The following SMOC2 variants were observed in gnomAD, a reference collection of about 807,000 sequenced individuals.
The protein encoded by SMOC2 is SPARC related modular calcium binding 2.
A neutral mutation model predicts 61.4 loss-of-function variants in SMOC2; 39 were observed. That is an observed-to-expected ratio of 0.64 (90% CI 0.49 to 0.83). The LOEUF is 0.83. SMOC2 is among the 40% of genes least tolerant of loss of function. The probability of loss-of-function intolerance (pLI) is 0.00; values close to 1 mark genes in which losing one functional copy is unlikely to be tolerated. For missense variants in SMOC2, 556 were observed against 592.9 expected (o/e 0.94, Z 0.65); for synonymous variants, 247 against 239.9 (o/e 1.03, Z -0.27).
At chr6:168,613,732 G>A (rs1318032699) in intron 9 of SMOC2, among the ~76,000 whole-genome samples, 3 of 128,834 alleles carry the variant, frequency 2.3e-5, no homozygotes, top group Admixed American at 7.8e-5. Context: ...CACACCTACA[G>A]CCAGCACAGG....
At chr6:168,633,543 C>T (rs1290616730) in intron 9 of SMOC2, among the ~76,000 whole-genome samples, 2 of 151,988 alleles carry the variant, frequency 1.3e-5, no homozygotes, top group African/African-American at 4.8e-5. Flanking sequence ...ATGAAAAACT[C>T]AATAATTTAA....
At chr6:168,547,661 G>A (rs760241075) in intron 6 of SMOC2, among the ~76,000 whole-genome samples, 4 of 152,056 alleles carry the variant, frequency 2.6e-5, no homozygotes, top group Non-Finnish European at 4.4e-5. Flanking sequence ...TGCTGGGGAT[G>A]TGAATTGCTT....
chr6:168,442,433 C>T (rs1261530826), intron 1 of SMOC2, among the ~76,000 whole-genome samples: 1 of 152,244 alleles, frequency 6.6e-6, no homozygotes, highest in African/African-American at 2.4e-5. Context: ...TGTCTGCAGC[C>T]CCCAGCTCCA....
At chr6:168,532,617 G>A (rs550642234) in intron 4 of SMOC2, among the ~76,000 whole-genome samples, 2 of 152,246 alleles carry the variant, frequency 1.3e-5, no homozygotes, top group South Asian at 4.2e-4. Flanking sequence ...CTGGTTCCTG[G>A]CATGAGTACA....
At chr6:168,575,089 T>A (rs78927669) in intron 7 of SMOC2, among the ~76,000 whole-genome samples, 7,731 of 152,120 alleles carry the variant, frequency 0.051, 702 homozygotes, top group African/African-American at 0.18. Flanking sequence ...GGAGGAAGTG[T>A]GTCTGTGGGG....
At chr6:168,658,126 G>C (rs1163253275) in intron 11 of SMOC2, among the ~76,000 whole-genome samples, 1 of 152,208 alleles carries the variant, frequency 6.6e-6, no homozygotes, top group Admixed American at 6.5e-5. Context: ...GTGGCTGCCA[G>C]ATCTGCAGCT....
intron 1 of SMOC2, among the ~76,000 whole-genome samples, chr6:168,495,435 G>C (rs923393568): frequency 6.6e-6 from 1 of 152,182 alleles, no homozygotes; most frequent in Admixed American, 6.5e-5. Flanking sequence ...TTTTCCTTGG[G>C]AACCTGAGTT....
At chr6:168,649,792 T>A (rs1046041636) in intron 9 of SMOC2, among the ~76,000 whole-genome samples, 1 of 152,098 alleles carries the variant, frequency 6.6e-6, no homozygotes, top group African/African-American at 2.4e-5. Flanking sequence ...CAAAAGGGCA[T>A]CCAGAGAGAG....
At chr6:168,477,153 G>A (rs1171149578) in intron 1 of SMOC2, among the ~76,000 whole-genome samples, 3 of 152,220 alleles carry the variant, frequency 2.0e-5, no homozygotes, top group African/African-American at 4.8e-5. Context: ...ACTAGGAACA[G>A]ATGGGCTCAG....
chr6:168,610,357 C>T (rs1396896743), intron 9 of SMOC2, among the ~76,000 whole-genome samples: 1 of 152,218 alleles, frequency 6.6e-6, no homozygotes, highest in African/African-American at 2.4e-5. Context: ...TGGGAGTGCA[C>T]TGTTCATGAC....
intron 1 of SMOC2, among the ~76,000 whole-genome samples, chr6:168,496,520 A>G (rs1193889522): frequency 6.6e-6 from 1 of 152,244 alleles, no homozygotes; most frequent in East Asian, 1.9e-4. Flanking sequence ...AAGCCTACCC[A>G]TGCTCGGGGG....
At chr6:168,617,499 T>C (rs7761264) in intron 9 of SMOC2, among the ~76,000 whole-genome samples, 39,152 of 152,022 alleles carry the variant, frequency 0.26, 5,167 homozygotes, top group Non-Finnish European at 0.27. Context: ...GTTTCTCCCA[T>C]GACCTTTCAA....
chr6:168,560,505 T>C (rs200538603), intron 7 of SMOC2, among the ~76,000 whole-genome samples: 7,857 of 124,450 alleles, frequency 0.063, 433 homozygotes, highest in African/African-American at 0.085. Flanking sequence ...CCCTGAGATG[T>C]GAGGCTCTCA....
chr6:168,665,595 A>G lies in SMOC2; in HGVS notation c.1324-826A>G, dbSNP rs73244570. Among the ~76,000 whole-genome samples the G allele has an allele frequency of 9.4e-3, 1,428 of 152,368 alleles. 33 individuals carry two copies. The highest frequency in any genetic ancestry group is 0.033 in the African/African-American group (1,365 of 41,592). On this transcript the variant is annotated intron_variant, in intron 12 of 12. Transcript: ENST00000356284. ...CTTCAGCTTCCGCTGCCACTCCAGA[A>G]TCATCAGAGCTGATATTAAATAAGT...
At chr6:168,493,220 A>G (rs1782510053) in intron 1 of SMOC2, among the ~76,000 whole-genome samples, 1 of 152,086 alleles carries the variant, frequency 6.6e-6, no homozygotes, top group South Asian at 2.1e-4. Flanking sequence ...TACTTTTAGT[A>G]GAGACGAGGT....
chr6:168,461,307 A>C (rs1781714689), intron 1 of SMOC2, among the ~76,000 whole-genome samples: 1 of 152,176 alleles, frequency 6.6e-6, no homozygotes, highest in Non-Finnish European at 1.5e-5. Context: ...AACATGTGGG[A>C]ATTATGGGGG....
chr6:168,557,100 T>C (rs746395039), intron 7 of SMOC2, among the ~76,000 whole-genome samples: 1 of 152,176 alleles, frequency 6.6e-6, no homozygotes, highest in Non-Finnish European at 1.5e-5. Flanking sequence ...TAAATCATGC[T>C]AAAATGCATT....
rs772872561 is a variant in SMOC2 at position 168,557,321 on chromosome 6, CATTA to C, written c.637+8124_637+8127del. On this transcript the variant is annotated intron_variant, in intron 7 of 12. Coordinates refer to ENST00000356284, the MANE Select transcript of SMOC2 (RefSeq NM_001166412.2). ...ACTGTAAAAGTGTATTGTTTAAAAA[CATTA>C]ATTAACTTACCAAAAATATGCATAA... 7.0e-4 allele frequency among the ~76,000 whole-genome samples: 106 copies of C among 152,178 alleles called. 1 individual carries two copies. The highest frequency in any genetic ancestry group is 4.8e-3 in the Admixed American group (73 of 15,292).
rs1267961117 is a variant in SMOC2 at position 168,475,669 on chromosome 6, G to T, written c.84+34215G>T. Among the ~76,000 whole-genome samples the T allele has an allele frequency of 6.6e-6, 1 of 152,116 alleles. No individual in the cohort carries two copies. Among genetic ancestry groups the T allele is most frequent in the South Asian group, 2.1e-4 (1 of 4,826 alleles). On this transcript the variant is annotated intron_variant, in intron 1 of 12. Coordinates refer to ENST00000356284, the MANE Select transcript of SMOC2 (RefSeq NM_001166412.2). The surrounding 1 kb of genome is among the most constrained non-coding windows in gnomAD (Gnocchi z 4.6). ...ACGAGAACTGAGACCTGCTTCCCAC[G>T]CGTCTGTGGCCCAGGGAGGCCACGT...
Sources: allele counts gnomAD v4.1 joint callset (sites outside exome capture counted in the v4.1 genomes callset), GRCh38; gene constraint gnomAD v4.1.1; non-coding constraint Gnocchi (gnomAD v3.1); transcripts MANE v1.5; gene names NCBI Gene and HGNC (gene_info 2026-07-23, HGNC 2026-07-21).